VWA3B: variants seen among roughly 807,000 people sequenced by gnomAD.
The protein encoded by VWA3B is von Willebrand factor A domain containing 3B.
Under a neutral mutation model 158.3 loss-of-function variants are expected in VWA3B, and 138 were observed. That is an observed-to-expected ratio of 0.87 (90% CI 0.76 to 1.00). The LOEUF is 1.00. Ranked by LOEUF, VWA3B falls within the 50% of genes least tolerant of loss-of-function variation. VWA3B has a pLI of 0.00. For missense variants in VWA3B, 1,555 were observed against 1,565.1 expected (o/e 0.99, Z 0.11); for synonymous variants, 596 against 587.3 (o/e 1.01, Z -0.21).
At chr2:98,126,970 G>A (rs1353380212) in intron 5 of VWA3B, among the ~76,000 whole-genome samples, 2 of 125,720 alleles carry the variant, frequency 1.6e-5, no homozygotes, top group African/African-American at 6.2e-5. Context: ...GAGGACTCCC[G>A]CCCCCCACCC....
chr2:98,258,755 A>G (rs538660183), intron 21 of VWA3B, among the ~76,000 whole-genome samples: 1 of 151,966 alleles, frequency 6.6e-6, no homozygotes, highest in East Asian at 1.9e-4. Flanking sequence ...TTTTCTATAT[A>G]TAGAAACATA....
intron 10 of VWA3B, among the ~76,000 whole-genome samples, chr2:98,190,963 A>G (rs987148558): frequency 1.3e-5 from 2 of 151,838 alleles, no homozygotes; most frequent in African/African-American, 2.4e-5. Flanking sequence ...TCCTTCTTCT[A>G]CTTTGATTAC....
chr2:98,152,256 A>C (rs1025851531), intron 7 of VWA3B, among the ~76,000 whole-genome samples: 1 of 152,234 alleles, frequency 6.6e-6, no homozygotes, highest in African/African-American at 2.4e-5. Flanking sequence ...GACTGAGCTC[A>C]GTAAGAAGTG....
the VWA3B span, among the ~76,000 whole-genome samples, chr2:98,329,120 A>T: frequency 6.6e-6 from 1 of 152,346 alleles, no homozygotes; most frequent in South Asian, 2.1e-4. Flanking sequence ...AATTAGAAAA[A>T]CTGGATATTC....
intron 12 of VWA3B, among the ~76,000 whole-genome samples, chr2:98,197,670 C>T (rs1443727453): frequency 6.6e-6 from 1 of 152,026 alleles, no homozygotes; most frequent in African/African-American, 2.4e-5. Flanking sequence ...GAGTTATAAT[C>T]TAATACTATC....
At chr2:98,261,323 T>C (rs1216322412) in intron 21 of VWA3B, among the ~76,000 whole-genome samples, 1 of 151,820 alleles carries the variant, frequency 6.6e-6, no homozygotes, top group Non-Finnish European at 1.5e-5. Flanking sequence ...CTCTTTCATA[T>C]AGTTATTGTC....
At chr2:98,121,619 A>G (rs1674973353) in intron 5 of VWA3B, among the ~76,000 whole-genome samples, 161 bp downstream of exon 5, 4 of 152,182 alleles carry the variant, frequency 2.6e-5, no homozygotes. Flanking sequence ...CATAGCTGGA[A>G]CAACCCAAAT....
At chr2:98,265,377 C>A (rs1687746179) in intron 21 of VWA3B, among the ~76,000 whole-genome samples, 1 of 151,530 alleles carries the variant, frequency 6.6e-6, no homozygotes, top group South Asian at 2.1e-4. Flanking sequence ...ATGAACTCAT[C>A]CTTTTTTATG....
chr2:98,134,191 G>T (rs765299504), intron 7 of VWA3B, among the ~76,000 whole-genome samples: 9 of 152,204 alleles, frequency 5.9e-5, no homozygotes, highest in Non-Finnish European at 7.3e-5. Context: ...CTGGAGATGT[G>T]GCCCTGGGCC....
chr2:98,233,618 T>C (rs1298332218), intron 16 of VWA3B, among the ~76,000 whole-genome samples: 2 of 152,218 alleles, frequency 1.3e-5, no homozygotes, highest in Non-Finnish European at 2.9e-5. Flanking sequence ...CTTACCCTTT[T>C]GTTGCCTAGA....
chr2:98,269,611 A>G (rs923951887), intron 21 of VWA3B: 13 of 152,140 alleles, frequency 8.5e-5, no homozygotes, highest in Admixed American at 2.0e-4. Context: ...ATTGCATCAC[A>G]TTGTTTTGGG....
chr2:98,091,521 G>A (rs1442710977), intron 1 of VWA3B, among the ~76,000 whole-genome samples: 1 of 152,170 alleles, frequency 6.6e-6, no homozygotes, highest in East Asian at 1.9e-4. Flanking sequence ...TTGTGGACAA[G>A]TTAATTAACC....
intron 5 of VWA3B, among the ~76,000 whole-genome samples, chr2:98,127,025 G>C (rs761817015): frequency 6.7e-6 from 1 of 149,852 alleles, no homozygotes; most frequent in Non-Finnish European, 1.5e-5. Context: ...ACTGAGGTGA[G>C]GCCATTTGTT....
In VWA3B at chr2:98,297,989, C is replaced by A; in HGVS notation, c.3240C>A (p.Phe1080Leu). Reference sequence around the variant, plus strand: ...ACACCAAGGTCGTGTCCACCTCCTTCATCACGCCTGTGGGGGGCGCCATGC... The same window carrying A: ...ACACCAAGGTCGTGTCCACCTCCTTAATCACGCCTGTGGGGGGCGCCATGC... The part of the protein sequence containing the change: ...YGDTKVVSTS[F>L]ITPVGGAMPC... The change falls in exon 24 of 28, where the codon TTC becomes TTA. Residue 1080 changes from phenylalanine (F) to leucine (L), a missense_variant. By Grantham distance (22) the Phe-to-Leu change is conservative (BLOSUM62 0). Coordinates refer to ENST00000477737, the MANE Select transcript of VWA3B (RefSeq NM_144992.5). The A allele has an allele frequency of 1.3e-6, 2 of 1,588,514 alleles. No individual in the cohort carries two copies. The highest frequency in any genetic ancestry group is 1.7e-6 in the Non-Finnish European group (2 of 1,167,486).
At chr2:98,315,943 GACA>G, downstream of VWA3B, among the ~76,000 whole-genome samples, 1 of 152,278 alleles carries the variant, frequency 6.6e-6, no homozygotes, top group East Asian at 1.9e-4. Context: ...CATTTACAAT[GACA>G]ACAAAGAAAC....
chr2:98,323,436 A>G, the VWA3B span, among the ~76,000 whole-genome samples: 1 of 152,134 alleles, frequency 6.6e-6, no homozygotes, highest in East Asian at 1.9e-4. Context: ...TCAGAGACCC[A>G]TGGAATAATT....
At chr2:98,141,420 C>T (rs1439544863) in intron 7 of VWA3B, among the ~76,000 whole-genome samples, 1 of 152,074 alleles carries the variant, frequency 6.6e-6, no homozygotes, top group African/African-American at 2.4e-5. Flanking sequence ...AAAGGGGGAG[C>T]CAGTGCATTA....
intron 1 of VWA3B, among the ~76,000 whole-genome samples, chr2:98,088,642 T>G (rs1020573112): frequency 6.6e-6 from 1 of 152,246 alleles, no homozygotes; most frequent in Non-Finnish European, 1.5e-5. Flanking sequence ...TGTTGTTGTT[T>G]CCGACTTCTG....
intron 8 of VWA3B, among the ~76,000 whole-genome samples, chr2:98,171,681 GAAAA>G (rs915187106): frequency 6.8e-6 from 1 of 148,046 alleles, no homozygotes; most frequent in Admixed American, 6.7e-5. Flanking sequence ...TTTACATTTA[GAAAA>G]AAAAAAGATC....
Sources: gnomAD v4.1 joint callset for allele counts (sites outside exome capture counted in the v4.1 genomes callset) on GRCh38, gnomAD v4.1.1 for gene constraint, MANE v1.5 for transcripts, NCBI Gene and HGNC (gene_info 2026-07-23, HGNC 2026-07-21) for gene names.